NHEJ1: variants seen among roughly 807,000 people sequenced by gnomAD.
NHEJ1 encodes the protein non-homologous end-joining factor 1.
Under a neutral mutation model 39.4 loss-of-function variants are expected in NHEJ1, and 22 were observed. The observed-to-expected ratio is 0.56, with a 90% CI of 0.40 to 0.80. The LOEUF (loss-of-function observed/expected upper bound fraction) is 0.80. Among genes scored for constraint, NHEJ1 ranks in the 30% least tolerant of loss-of-function variants. NHEJ1 has a pLI of 0.00. For missense variants in NHEJ1, 329 were observed against 357.1 expected, an observed-to-expected ratio of 0.92 and a Z score of 0.63; for synonymous variants, 154 against 135.6, an observed-to-expected ratio of 1.14 and a Z score of -0.94.
chr2:219,131,898 A>G (rs1244768935), intron 5 of NHEJ1, among the ~76,000 whole-genome samples: 2 of 152,208 alleles, frequency 1.3e-5, no homozygotes, highest in Admixed American at 6.5e-5. Flanking sequence ...TGCCCAGAAA[A>G]CTTCCAACAG....
chr2:219,153,042 A>T (rs1949813082), intron 3 of NHEJ1, among the ~76,000 whole-genome samples: 1 of 152,024 alleles, frequency 6.6e-6, no homozygotes, highest in Non-Finnish European at 1.5e-5. Context: ...ACCTCAGGTG[A>T]TCCGCCCGCC....
At chr2:219,101,006 T>G (rs1275874436) in intron 5 of NHEJ1, among the ~76,000 whole-genome samples, 2 of 152,224 alleles carry the variant, frequency 1.3e-5, no homozygotes, top group African/African-American at 4.8e-5. Flanking sequence ...CCTCCCAGAC[T>G]TTTTTTCTAT....
At chr2:219,134,438 TGTTA>T (rs1261238331) in intron 5 of NHEJ1, among the ~76,000 whole-genome samples, 2 of 152,248 alleles carry the variant, frequency 1.3e-5, no homozygotes, top group Non-Finnish European at 2.9e-5. Context: ...ACTTTATATT[TGTTA>T]GTTACCCTTT....
At chr2:219,158,731 A>G (rs72953641) in intron 1 of NHEJ1, 1 of 312,240 alleles carries the variant, frequency 3.2e-6, no homozygotes, top group Non-Finnish European at 6.2e-6. Flanking sequence ...ATTCCTAATA[A>G]ATATGTCACT....
chr2:219,115,122 G>T (rs1201328402), intron 5 of NHEJ1, among the ~76,000 whole-genome samples: 2 of 150,072 alleles, frequency 1.3e-5, no homozygotes, highest in African/African-American at 2.5e-5. Context: ...ACTGGGGACA[G>T]CTTTTCCAAA....
At chr2:219,140,024 A>T (rs185578341) in intron 5 of NHEJ1, among the ~76,000 whole-genome samples, 1 of 152,358 alleles carries the variant, frequency 6.6e-6, no homozygotes, top group East Asian at 1.9e-4. Flanking sequence ...TTACACAGCA[A>T]TGGATAACTA....
At chr2:219,147,397 G>A (rs182879742) in intron 4 of NHEJ1, among the ~76,000 whole-genome samples, 5 of 152,292 alleles carry the variant, frequency 3.3e-5, no homozygotes, top group Admixed American at 2.0e-4. Context: ...CAGGAGACTC[G>A]CTTGAGCCCA....
intron 5 of NHEJ1, among the ~76,000 whole-genome samples, chr2:219,109,752 C>T (rs74972314): frequency 0.012 from 1,878 of 152,204 alleles, 31 homozygotes; most frequent in African/African-American, 0.042. Context: ...TCCTCCTAGC[C>T]CTCAGGACTG....
chr2:219,111,666 G>C lies in NHEJ1; in HGVS notation c.589-33460C>G, dbSNP rs555448454. ...ACACACACACACACACACACACAGA[G>C]AGATACATACAGTCAGTGGGAAAGA... is the stretch of plus-strand genomic sequence containing the variant. On this transcript the variant is annotated intron_variant, in intron 5 of 7. Coordinates refer to ENST00000356853, the MANE Select transcript of NHEJ1 (RefSeq NM_024782.3). The surrounding 1 kb of genome is among the most constrained non-coding windows in gnomAD (Gnocchi z 4.1). Among the ~76,000 whole-genome samples, 1,023 of 68,316 alleles carry C rather than the reference G, an allele frequency of 0.015. 7 individuals are homozygous for C. Among genetic ancestry groups the C allele is most frequent in the African/African-American group, 0.016 (314 of 19,142 alleles). The allele number at this position is 68,316 out of a possible 152,430, so 44.8% of individuals were successfully genotyped here.
At chr2:219,128,744 T>C (rs543387986) in intron 5 of NHEJ1, among the ~76,000 whole-genome samples, 36 of 152,328 alleles carry the variant, frequency 2.4e-4, no homozygotes, top group South Asian at 8.3e-4. Flanking sequence ...AGGAGAGTCC[T>C]GGCCAATGAC....
At chr2:219,147,830 T>A (rs755940345) in intron 3 of NHEJ1, 35 bp from the exon 4 acceptor site, 52 of 1,610,552 alleles carry the variant, frequency 3.2e-5, no homozygotes, top group Non-Finnish European at 3.9e-5. Context: ...GCCAAAAGAC[T>A]CTTATAAAGT....
chr2:219,151,738 G>A (rs1025076201), intron 3 of NHEJ1, among the ~76,000 whole-genome samples: 2 of 152,138 alleles, frequency 1.3e-5, no homozygotes, highest in African/African-American at 4.8e-5. Flanking sequence ...AAGCTGAGGT[G>A]GGCAGATGAC....
rs1296478742 is a variant in NHEJ1 at position 219,158,204 on chromosome 2, C to G, written c.159G>C (p.Val53=). The change falls in exon 2 of 8, where the codon GTG becomes GTC. Residue 53 remains valine (V), a synonymous_variant. Transcript: ENST00000356853. ...TACTTACCTTGGCTCGCTGGCTGAC[C>G]ACACTAGTGTCCACCTGTTCATGCC... ...QVWHEQVDTS[V]VSQRAKELNK... is the part of the protein sequence containing the mutation. 1 of 1,614,172 alleles carries G rather than the reference C, an allele frequency of 6.2e-7. No individual in the cohort carries two copies. The highest frequency in any genetic ancestry group is 8.5e-7 in the Non-Finnish European group (1 of 1,180,030).
chr2:219,103,527 C>T lies in NHEJ1; in HGVS notation c.589-25321G>A, dbSNP rs915913740. Among the ~76,000 whole-genome samples, 6 of 152,130 alleles carry T rather than the reference C, an allele frequency of 3.9e-5. No individual in the cohort carries two copies. In the South Asian group the frequency reaches 6.2e-4, roughly 16 times the overall value. ...CTGACCTCAAGTGATCCGTCCGCCTCGGCCTCCCAAAGTGCTGGGATTACA... is the reference window on the plus strand; with the variant it reads ...CTGACCTCAAGTGATCCGTCCGCCTTGGCCTCCCAAAGTGCTGGGATTACA... On this transcript the variant is annotated intron_variant, in intron 5 of 7. Coordinates refer to ENST00000356853, the MANE Select transcript of NHEJ1 (RefSeq NM_024782.3).
intron 5 of NHEJ1, among the ~76,000 whole-genome samples, chr2:219,140,482 T>C (rs1302540133): frequency 1.3e-5 from 2 of 152,108 alleles, no homozygotes; most frequent in African/African-American, 4.8e-5. Flanking sequence ...GTGGCTCCAG[T>C]ATGGTAGCAG....
chr2:219,085,296 A>C (rs1949101630), intron 5 of NHEJ1, among the ~76,000 whole-genome samples: 1 of 152,192 alleles, frequency 6.6e-6, no homozygotes, highest in African/African-American at 2.4e-5. Context: ...ACAGCTCATC[A>C]CTTGGATGAG....
At chr2:219,120,491 A>G (rs781237196) in intron 5 of NHEJ1, among the ~76,000 whole-genome samples, 6 of 152,208 alleles carry the variant, frequency 3.9e-5, no homozygotes, top group Non-Finnish European at 8.8e-5. Context: ...GAGTATATAA[A>G]AAAGTGTTAA....
In NHEJ1 at chr2:219,069,601, G is replaced by A. The variant is rs1181917458; in HGVS notation, c.*6780C>T. 1 of 152,222 alleles carries A rather than the reference G, an allele frequency of 6.6e-6. No homozygotes were observed. Among genetic ancestry groups the A allele is most frequent in the African/African-American group, 2.4e-5 (1 of 41,440 alleles). The allele number at this position is 152,222 out of a possible 1,614,324, so 9.4% of individuals were successfully genotyped here. ...AACCTAAGAGGTATGCATGGTTCTG[G>A]ATGGGAATCTCAAAGATGATGGCGG... On this transcript the variant is annotated 3_prime_UTR_variant, in exon 8 of 8. Transcript: ENST00000356853.
intron 5 of NHEJ1, among the ~76,000 whole-genome samples, chr2:219,087,840 T>C (rs2106326015): frequency 6.6e-6 from 1 of 152,294 alleles, no homozygotes; most frequent in African/African-American, 2.4e-5. Context: ...CAAGCTATAA[T>C]GTAGGAGAAA....
Sources: allele counts gnomAD v4.1 joint callset (sites outside exome capture counted in the v4.1 genomes callset), GRCh38; gene constraint gnomAD v4.1.1; non-coding constraint Gnocchi (gnomAD v3.1); transcripts MANE v1.5; gene names NCBI Gene and HGNC (gene_info 2026-07-23, HGNC 2026-07-21).